HDAC9: variants seen among roughly 807,000 people sequenced by gnomAD.
The protein encoded by HDAC9 is MEF-2 interacting transcription repressor (MITR) protein.
In HDAC9, 41 loss-of-function variants were observed where a neutral mutation model predicts 139.4. That is an observed-to-expected ratio of 0.29 (90% CI 0.23 to 0.38). HDAC9 has a LOEUF of 0.38. HDAC9 is among the 10% of genes least tolerant of loss of function. HDAC9 has a pLI of 1.00. For synonymous variants in HDAC9, 517 were observed against 476.2 expected (o/e 1.09, Z -1.12); for missense variants, 1,147 against 1,297.0 (o/e 0.88, Z 1.78).
intron 25 of HDAC9, among the ~76,000 whole-genome samples, chr7:18,976,718 T>G (rs1784573626): frequency 6.6e-6 from 1 of 152,226 alleles, no homozygotes; most frequent in Admixed American, 6.5e-5. Context: ...CTTTGAAGTC[T>G]ACCAAAGCCA....
At chr7:18,221,106 C>CTTTTTTTTTTTTTTTTTTTTTTTTTTT (rs537033538) in intron 2 of HDAC9, among the ~76,000 whole-genome samples, 1 of 139,692 alleles carries the variant, frequency 7.2e-6, no homozygotes, top group African/African-American at 2.7e-5. Flanking sequence ...ATTTCTATTC[C>CTTTTTTTTTTTTTTTTTTTTTTTTTTT]TTTTTTTTTT....
At chr7:18,919,187 A>T (rs924791413) in intron 22 of HDAC9, among the ~76,000 whole-genome samples, 2 of 152,046 alleles carry the variant, frequency 1.3e-5, no homozygotes, top group African/African-American at 4.8e-5. Flanking sequence ...TCATTTTGCA[A>T]ATTATCATTT....
At chr7:18,410,261 G>A (rs1190040104) in intron 1 of HDAC9, among the ~76,000 whole-genome samples, 1 of 152,160 alleles carries the variant, frequency 6.6e-6, no homozygotes, top group East Asian at 1.9e-4. Flanking sequence ...GACTGCATGG[G>A]GCCAGGGGAT....
intron 19 of HDAC9, among the ~76,000 whole-genome samples, chr7:18,830,601 T>C (rs1227221689): frequency 2.0e-5 from 3 of 152,128 alleles, no homozygotes; most frequent in African/African-American, 7.2e-5. Flanking sequence ...AACAAAGCCA[T>C]GTGAAGAAAT....
At chr7:18,313,344 A>G (rs1799436798) in intron 1 of HDAC9, among the ~76,000 whole-genome samples, 1 of 152,184 alleles carries the variant, frequency 6.6e-6, no homozygotes, top group South Asian at 2.1e-4. Context: ...AGATAACAAA[A>G]TTGGTGCTAT....
At chr7:18,466,289 C>A (rs1002476219) in intron 1 of HDAC9, among the ~76,000 whole-genome samples, 4 of 152,140 alleles carry the variant, frequency 2.6e-5, no homozygotes, top group Admixed American at 6.5e-5. Context: ...CTCTGCCTCC[C>A]AGGCTCAAGC....
At chr7:18,537,204 G>A (rs780651685) in intron 2 of HDAC9, among the ~76,000 whole-genome samples, 7 of 152,168 alleles carry the variant, frequency 4.6e-5, no homozygotes, top group Non-Finnish European at 1.0e-4. Flanking sequence ...AAGAGACTAA[G>A]GACTAAATTT....
chr7:18,842,653 C>T (rs1197800079), intron 21 of HDAC9, among the ~76,000 whole-genome samples: 7 of 152,202 alleles, frequency 4.6e-5, no homozygotes, highest in Middle Eastern at 3.4e-3. Flanking sequence ...ATCTGCTTTT[C>T]AGCTTCAAAA....
At chr7:18,770,017 A>G (rs925531896) in intron 16 of HDAC9, among the ~76,000 whole-genome samples, 3 of 152,186 alleles carry the variant, frequency 2.0e-5, no homozygotes, top group African/African-American at 7.2e-5. Context: ...ATATACCTAC[A>G]GAATACGGAT....
intron 12 of HDAC9, among the ~76,000 whole-genome samples, chr7:18,696,318 T>C (rs1783038255): frequency 6.7e-6 from 1 of 149,004 alleles, no homozygotes; most frequent in Non-Finnish European, 1.5e-5. Context: ...ATTACATAAC[T>C]ATATTATAAT....
intron 23 of HDAC9, among the ~76,000 whole-genome samples, chr7:18,944,308 A>G (rs947373228): frequency 6.6e-6 from 1 of 152,166 alleles, no homozygotes; most frequent in Admixed American, 6.5e-5. Context: ...CCCTTTCTGC[A>G]TTTTGTCTGA....
At chr7:18,535,740 A>C (rs1272875151) in intron 2 of HDAC9, among the ~76,000 whole-genome samples, 1 of 151,268 alleles carries the variant, frequency 6.6e-6, no homozygotes, top group Non-Finnish European at 1.5e-5. Flanking sequence ...AAAAAAAAAA[A>C]AAAAAAAAAA....
intron 12 of HDAC9, among the ~76,000 whole-genome samples, chr7:18,721,755 A>G (rs908220943): frequency 6.6e-6 from 1 of 152,188 alleles, no homozygotes; most frequent in Non-Finnish European, 1.5e-5. Flanking sequence ...AAACAAAACA[A>G]AACAGAAAAA....
At chr7:18,467,984 T>A (rs1794422901) in intron 1 of HDAC9, among the ~76,000 whole-genome samples, 1 of 152,182 alleles carries the variant, frequency 6.6e-6, no homozygotes, top group African/African-American at 2.4e-5. Context: ...ATATCTGTTT[T>A]TTTCTTCATG....
chr7:18,092,244 C>T (rs770837368), intron 1 of HDAC9, among the ~76,000 whole-genome samples: 10 of 151,956 alleles, frequency 6.6e-5, no homozygotes, highest in Non-Finnish European at 2.9e-5. Context: ...GAAAAAATTA[C>T]CTGAACGTGA....
rs991554879 is a variant in HDAC9, at chr7:18,997,140, TG to T, written c.*1079del. 2 of 152,210 alleles carry T rather than the reference TG, an allele frequency of 1.3e-5. No homozygotes were observed. Among genetic ancestry groups the T allele is most frequent in the Non-Finnish European group, 2.9e-5 (2 of 68,040 alleles). 9.4% of individuals were successfully genotyped at this position (152,210 alleles called of 1,614,324 possible). A position where few individuals can be genotyped will look rare whatever the true frequency, so the allele number is the denominator to read the frequency against. On this transcript the variant is annotated 3_prime_UTR_variant, in exon 26 of 26. Transcript: ENST00000686413. ...TGTTTACTTTACAGGTTAACACAGTTGTTTTGTCTGATTGCATTTTATTAAC... is the reference window on the plus strand; with the variant it reads ...TGTTTACTTTACAGGTTAACACAGTTTTTTGTCTGATTGCATTTTATTAAC...
chr7:18,465,741 A>G (rs1352266535), intron 1 of HDAC9, among the ~76,000 whole-genome samples: 3 of 152,162 alleles, frequency 2.0e-5, no homozygotes, highest in African/African-American at 7.2e-5. Flanking sequence ...ACAATAATTT[A>G]TAGCTGTGTC....
intron 22 of HDAC9, among the ~76,000 whole-genome samples, chr7:18,930,619 T>TA (rs5882685): frequency 0.42 from 63,902 of 151,450 alleles, 13,910 homozygotes; most frequent in Non-Finnish European, 0.48. Flanking sequence ...ATAATAAAAT[T>TA]AAAAAAAAAT....
chr7:18,513,578 C>G (rs894901680), intron 2 of HDAC9, among the ~76,000 whole-genome samples: 1 of 152,156 alleles, frequency 6.6e-6, no homozygotes, highest in Admixed American at 6.5e-5. Flanking sequence ...GCCCTTGAGA[C>G]CATTATGTAT....
Sources: allele counts gnomAD v4.1 joint callset (sites outside exome capture counted in the v4.1 genomes callset), GRCh38; gene constraint gnomAD v4.1.1; transcripts MANE v1.5; gene names NCBI Gene and HGNC (gene_info 2026-07-23, HGNC 2026-07-21).